VPS37C: variants seen among roughly 807,000 people sequenced by gnomAD.
VPS37C encodes vacuolar protein sorting-associated protein 37C.
In VPS37C, 9 loss-of-function variants were observed where a neutral mutation model predicts 16.1. The observed-to-expected ratio is 0.56, with a 90% CI of 0.34 to 0.97. VPS37C has a LOEUF of 0.97. VPS37C is among the 50% of genes least tolerant of loss of function. The pLI is 0.02. For synonymous variants in VPS37C, 207 were observed against 206.4 expected (o/e 1.00, Z -0.02); for missense variants, 479 against 472.7 (o/e 1.01, Z -0.12).
chr11:61,147,505 G>A (rs1398609898), intron 1 of VPS37C, among the ~76,000 whole-genome samples: 2 of 152,152 alleles, frequency 1.3e-5, no homozygotes, highest in African/African-American at 2.4e-5. Context: ...CCAGCAAGGA[G>A]GCCACAGAAC....
At chr11:61,158,932 G>A (rs1483913653) in intron 1 of VPS37C, among the ~76,000 whole-genome samples, 1 of 152,210 alleles carries the variant, frequency 6.6e-6, no homozygotes, top group East Asian at 1.9e-4. Flanking sequence ...CTGTCATTCG[G>A]TAAGCACCTG....
At chr11:61,159,735 T>TA (rs1256940306) in intron 1 of VPS37C, among the ~76,000 whole-genome samples, 5 of 29,422 alleles carry the variant, frequency 1.7e-4, no homozygotes, top group African/African-American at 5.3e-4. Flanking sequence ...AATAAATAAA[T>TA]AAATAAAAAA....
chr11:61,148,719 T>C (rs1024771598), intron 1 of VPS37C, among the ~76,000 whole-genome samples: 1 of 152,052 alleles, frequency 6.6e-6, no homozygotes, highest in Non-Finnish European at 1.5e-5. Flanking sequence ...TTTTTTTGCG[T>C]TTTTAGTTTT....
chr11:61,148,719 T>G (rs1024771598), intron 1 of VPS37C, among the ~76,000 whole-genome samples: 1 of 152,052 alleles, frequency 6.6e-6, no homozygotes, highest in African/African-American at 2.4e-5. Flanking sequence ...TTTTTTTGCG[T>G]TTTTAGTTTT....
chr11:61,145,238 C>T (rs1160370563), intron 1 of VPS37C: 1 of 152,278 alleles, frequency 6.6e-6, no homozygotes, highest in East Asian at 1.9e-4. Context: ...CACTGCCCCA[C>T]TGTGCGGGTG....
chr11:61,158,171 C>T (rs1853407727), intron 1 of VPS37C, among the ~76,000 whole-genome samples: 2 of 152,162 alleles, frequency 1.3e-5, no homozygotes, highest in African/African-American at 4.8e-5. Context: ...AATTCATACA[C>T]GGAATATAAT....
chr11:61,159,901 C>CAAAA (rs35953020), intron 1 of VPS37C, among the ~76,000 whole-genome samples: 2 of 49,528 alleles, frequency 4.0e-5, no homozygotes, highest in African/African-American at 8.5e-5. Flanking sequence ...GACTCCGTCT[C>CAAAA]AAAAAAAAAA....
At chr11:61,145,239 T>A (rs1853180510) in intron 1 of VPS37C, 1 of 152,212 alleles carries the variant, frequency 6.6e-6, no homozygotes, top group Non-Finnish European at 1.5e-5. Flanking sequence ...ACTGCCCCAC[T>A]GTGCGGGTGT....
chr11:61,158,290 C>T lies in VPS37C; in HGVS notation c.-7+3101G>A, dbSNP rs952662741. ...AATCCACAATTACAATCAGAAGTGT[C>T]AATGTCCCTCTCTCAATAACTGAAA... On this transcript the variant is annotated intron_variant, in intron 1 of 4. Transcript: ENST00000301765. 3.3e-5 allele frequency among the ~76,000 whole-genome samples: 5 copies of T among 152,200 alleles called. No homozygotes were observed. In the South Asian group the frequency reaches 1.0e-3, roughly 31 times the overall value.
intron 1 of VPS37C, among the ~76,000 whole-genome samples, chr11:61,160,539 A>T (rs1377716309): frequency 3.3e-5 from 5 of 152,302 alleles, no homozygotes. Context: ...CGCTGGAGCG[A>T]AGGGAAATGA....
At chr11:61,150,001 CT>C (rs1372917223) in intron 1 of VPS37C, among the ~76,000 whole-genome samples, 1 of 152,152 alleles carries the variant, frequency 6.6e-6, no homozygotes, top group Non-Finnish European at 1.5e-5. Context: ...ACCCTGCCCC[CT>C]AGGTCGCTGG....
chr11:61,135,653 TCAAA>T (rs942155694), intron 2 of VPS37C, among the ~76,000 whole-genome samples: 1 of 152,148 alleles, frequency 6.6e-6, no homozygotes, highest in Non-Finnish European at 1.5e-5. Flanking sequence ...CAGGCTGGCC[TCAAA>T]CAATCCTCCC....
intron 1 of VPS37C, among the ~76,000 whole-genome samples, chr11:61,155,946 G>A (rs1295421844): frequency 6.6e-6 from 1 of 152,088 alleles, no homozygotes; most frequent in Non-Finnish European, 1.5e-5. Context: ...ACAATACAAA[G>A]TCCAGGAGGA....
intron 2 of VPS37C, among the ~76,000 whole-genome samples, chr11:61,135,483 G>C (rs967825693): frequency 6.6e-6 from 1 of 152,256 alleles, no homozygotes; most frequent in Non-Finnish European, 1.5e-5. Flanking sequence ...CGTCCAGAAT[G>C]AGTGCAATAG....
intron 3 of VPS37C, 98 bp from the exon 4 acceptor site, chr11:61,133,435 AC>A: frequency 8.1e-7 from 1 of 1,238,930 alleles, no homozygotes; most frequent in Non-Finnish European, 1.1e-6. Context: ...AGGCCCAGCC[AC>A]CACAGCAGGG....
At chr11:61,144,044 C>T (rs2134642099) in intron 1 of VPS37C, 1 of 150,690 alleles carries the variant, frequency 6.6e-6, no homozygotes, top group East Asian at 2.0e-4. Flanking sequence ...TCTTGGCTCA[C>T]TGCAAGCTCC....
At chr11:61,142,001 G>C (rs1006475952) in intron 1 of VPS37C, among the ~76,000 whole-genome samples, 1 of 152,252 alleles carries the variant, frequency 6.6e-6, no homozygotes, top group African/African-American at 2.4e-5. Flanking sequence ...CCCGAGAAGA[G>C]CCGAGATTCC....
chr11:61,152,776 T>C (rs1057211047), intron 1 of VPS37C, among the ~76,000 whole-genome samples: 2 of 152,244 alleles, frequency 1.3e-5, no homozygotes, highest in Non-Finnish European at 2.9e-5. Flanking sequence ...ACAGGGATCC[T>C]GCCCGGCAAG....
In VPS37C at chr11:61,133,926, T is replaced by G; in HGVS notation, c.265+110A>C. On this transcript the variant is annotated intron_variant, in intron 3 of 4. Transcript: ENST00000301765. ...AGTAACAACAGTACCCACCCTTCTA[T>G]GGCTGTTGTGAAAAAATATACATAA... 6.0e-6 allele frequency: 8 copies of G among 1,328,360 alleles called. No individual in the cohort carries two copies. The East Asian group carries it at 1.4e-4, about 23-fold the overall frequency. The allele number at this position is 1,328,360 out of a possible 1,614,324, so 82.3% of individuals were successfully genotyped here.
Sources: gnomAD v4.1 joint callset for allele counts (sites outside exome capture counted in the v4.1 genomes callset) on GRCh38, gnomAD v4.1.1 for gene constraint, MANE v1.5 for transcripts, NCBI Gene and HGNC (gene_info 2026-07-23, HGNC 2026-07-21) for gene names.